CA1: variants seen among roughly 807,000 people sequenced by gnomAD.
CA1 encodes carbonate dehydratase I.
In CA1, 27 loss-of-function variants were observed where a neutral mutation model predicts 28.8. That is an observed-to-expected ratio of 0.94 (90% CI 0.69 to 1.29). The LOEUF is 1.29. Ranked by LOEUF, CA1 falls within the 50% of genes most tolerant of loss-of-function variation. CA1 has a pLI of 0.00. For synonymous variants in CA1, 121 were observed against 108.8 expected, an observed-to-expected ratio of 1.11 and a Z score of -0.70; for missense variants, 335 against 310.5, an observed-to-expected ratio of 1.08 and a Z score of -0.59.
intron 1 of CA1, among the ~76,000 whole-genome samples, chr8:85,367,468 G>T (rs113198319): frequency 0.024 from 3,724 of 152,270 alleles, 148 homozygotes; most frequent in African/African-American, 0.085. Context: ...TAAATTAAAT[G>T]ATTGGAAAGA....
At chr8:85,329,537 A>G in intron 7 of CA1, 152 bp downstream of exon 7, 1 of 771,908 alleles carries the variant, frequency 1.3e-6, no homozygotes, top group Non-Finnish European at 2.2e-6. Flanking sequence ...ATAGTTTAAT[A>G]AACCTATGTC....
intron 5 of CA1, 125 bp from the exon 6 acceptor site, chr8:85,332,677 G>C: frequency 1.4e-6 from 1 of 727,352 alleles, no homozygotes; most frequent in Non-Finnish European, 2.4e-6. Context: ...CTCTGCTTTA[G>C]AAGGGGAGAT....
intron 1 of CA1, among the ~76,000 whole-genome samples, chr8:85,365,134 G>A (rs1044476485): frequency 6.6e-5 from 10 of 152,174 alleles, no homozygotes; most frequent in African/African-American, 1.7e-4. Flanking sequence ...TGGCATCACC[G>A]GTATATAAAA....
intron 1 of CA1, among the ~76,000 whole-genome samples, chr8:85,362,794 CATTGATTCT>C (rs1354727867): frequency 1.1e-4 from 16 of 152,070 alleles, no homozygotes; most frequent in South Asian, 4.1e-4. Flanking sequence ...AAGAGTCATC[CATTGATTCT>C]ATTGATTCTA....
chr8:85,329,851 G>T lies in CA1; in HGVS notation c.514-7C>A. On this transcript the variant is annotated splice_region_variant and splice_polypyrimidine_tract_variant and intron_variant, in intron 6 of 7. Transcript: ENST00000523022. Reference sequence around the variant, plus strand: ...TGAATGGGGCTCGTTTGCCCTGGAAGAAAAGAATACATCATTACAGCATGA... The same window carrying T: ...TGAATGGGGCTCGTTTGCCCTGGAATAAAAGAATACATCATTACAGCATGA... 1 of 1,574,110 alleles carries T rather than the reference G, an allele frequency of 6.4e-7. No individual in the cohort carries two copies. The highest frequency in any genetic ancestry group is 1.2e-5 in the South Asian group (1 of 86,730).
At chr8:85,374,027 G>A (rs1425111053) in intron 1 of CA1, among the ~76,000 whole-genome samples, 1 of 152,056 alleles carries the variant, frequency 6.6e-6, no homozygotes, top group Non-Finnish European at 1.5e-5. Flanking sequence ...GCACAGCAAC[G>A]TCAATGTACT....
intron 1 of CA1, among the ~76,000 whole-genome samples, chr8:85,360,487 T>C (rs1227235841): frequency 6.6e-6 from 1 of 152,034 alleles, no homozygotes; most frequent in African/African-American, 2.4e-5. Context: ...AGCTCAGGAA[T>C]TCCAGACCAG....
intron 2 of CA1, among the ~76,000 whole-genome samples, chr8:85,339,888 GC>G (rs764559040): frequency 6.6e-6 from 1 of 152,194 alleles, no homozygotes; most frequent in Non-Finnish European, 1.5e-5. Flanking sequence ...ATTCTGTGAA[GC>G]CTGAGAAAGG....
intron 1 of CA1, among the ~76,000 whole-genome samples, chr8:85,344,754 C>T (rs1182030558): frequency 2.0e-5 from 3 of 152,062 alleles, no homozygotes; most frequent in Non-Finnish European, 4.4e-5. Flanking sequence ...CTGCTAAATG[C>T]CACTGAAAGG....
intron 1 of CA1, among the ~76,000 whole-genome samples, chr8:85,375,315 A>G (rs1375406085): frequency 1.3e-5 from 2 of 152,196 alleles, no homozygotes; most frequent in Non-Finnish European, 1.5e-5. Context: ...CAGCCTGGAA[A>G]GAAGGCTTCG....
intron 1 of CA1, among the ~76,000 whole-genome samples, chr8:85,365,600 G>T (rs1007634585): frequency 1.3e-5 from 2 of 152,090 alleles, no homozygotes; most frequent in African/African-American, 4.8e-5. Context: ...TATGCACTTT[G>T]CTTGTGTTAT....
intron 1 of CA1, among the ~76,000 whole-genome samples, chr8:85,343,385 G>T (rs937505885): frequency 2.6e-5 from 4 of 152,248 alleles, no homozygotes; most frequent in Admixed American, 2.6e-4. Flanking sequence ...TAATACATTT[G>T]CTTAGCCTTC....
intron 1 of CA1, among the ~76,000 whole-genome samples, chr8:85,366,449 T>C (rs2725292): frequency 3.3e-5 from 5 of 152,080 alleles, no homozygotes; most frequent in Non-Finnish European, 7.4e-5. Context: ...GACCACTGTT[T>C]AGAAAAACAT....
At chr8:85,346,149 G>A (rs1043602445) in intron 1 of CA1, among the ~76,000 whole-genome samples, 5 of 151,972 alleles carry the variant, frequency 3.3e-5, no homozygotes, top group Admixed American at 2.6e-4. Context: ...TCAGGCTTTT[G>A]AAAATATTAA....
In CA1 at chr8:85,329,770, A is replaced by G; in HGVS notation, c.588T>C (p.Pro196=). ...AAAGAGGAGGATGAGTCAGAGAGCCAGGGTAGGTCCAGAAATCCAGGGATG... is the reference window on the plus strand; with the variant it reads ...AAAGAGGAGGATGAGTCAGAGAGCCGGGGTAGGTCCAGAAATCCAGGGATG... The part of the protein sequence containing the change: ...LPSSLDFWTY[P]GSLTHPPLYE... The change falls in exon 7 of 8, where the codon CCT becomes CCC. Residue 196 remains proline, a synonymous_variant. Transcript: ENST00000523022. The G allele has an allele frequency of 6.2e-7, 1 of 1,606,080 alleles. No homozygotes were observed. Among genetic ancestry groups the G allele is most frequent in the Non-Finnish European group, 8.5e-7 (1 of 1,175,452 alleles).
Position 85,329,738 on chromosome 8 carries a change from C to A in CA1, c.620G>T (p.Ser207Ile), listed in dbSNP as rs149736810. ...CTCCTTACAGATGATCCAAGTTACA[C>A]TCTCATAAAGAGGAGGATGAGTCAG... ...GSLTHPPLYE[S>I]VTWIICKESI... Residue 207 changes from serine (S) to isoleucine (I), a missense_variant, in exon 7 of 8, where the codon AGT becomes ATT. Ser to Ile is a moderately radical substitution (Grantham distance 142, BLOSUM62 -2). Transcript: ENST00000523022. The A allele has an allele frequency of 1.9e-6, 3 of 1,608,878 alleles. No homozygotes were observed. Among genetic ancestry groups the A allele is most frequent in the Non-Finnish European group, 2.5e-6 (3 of 1,177,330 alleles).
chr8:85,338,097 C>T (rs554239694), intron 3 of CA1, 155 bp downstream of exon 3: 28 of 761,626 alleles, frequency 3.7e-5, no homozygotes, highest in Middle Eastern at 2.3e-4. Flanking sequence ...ACCACCTGGG[C>T]GTTTTCCAGA....
chr8:85,343,229 G>C (rs887906072), intron 1 of CA1: 1 of 151,098 alleles, frequency 6.6e-6, no homozygotes, highest in Non-Finnish European at 1.5e-5. Flanking sequence ...TCTGTTTCTG[G>C]AAAAAGAAAA....
chr8:85,334,945 G>A (rs760690949), intron 4 of CA1, among the ~76,000 whole-genome samples: 3 of 152,098 alleles, frequency 2.0e-5, no homozygotes, highest in Admixed American at 6.6e-5. Context: ...AGCCGAGATC[G>A]TGCCTCTGGA....
Sources: allele counts gnomAD v4.1 joint callset (sites outside exome capture counted in the v4.1 genomes callset), GRCh38; gene constraint gnomAD v4.1.1; transcripts MANE v1.5; gene names NCBI Gene and HGNC (gene_info 2026-07-23, HGNC 2026-07-21).